Variants in ADD3 observed in about 807,000 individuals in gnomAD.
ADD3 encodes the protein adducin 3, also known as gamma-adducin.
ADD3 carries 25 observed loss-of-function variants against 80.2 expected under a neutral mutation model. The observed-to-expected ratio is 0.31, with a 90% CI of 0.23 to 0.44. ADD3 has a LOEUF of 0.44. Ranked by LOEUF, ADD3 falls within the 20% of genes least tolerant of loss-of-function variation. ADD3 has a pLI of 1.00. For synonymous variants in ADD3, 284 were observed against 289.6 expected (o/e 0.98, Z 0.20); for missense variants, 829 against 847.5 (o/e 0.98, Z 0.27).
chr10:110,072,326 A>G (rs987213923), intron 1 of ADD3, among the ~76,000 whole-genome samples: 7 of 152,120 alleles, frequency 4.6e-5, no homozygotes, highest in Admixed American at 4.6e-4. Flanking sequence ...CGGCCTCCCA[A>G]AGTGCTGGGA....
intron 1 of ADD3, among the ~76,000 whole-genome samples, chr10:110,074,828 T>G (rs1373230097): frequency 6.6e-6 from 1 of 152,004 alleles, no homozygotes; most frequent in Non-Finnish European, 1.5e-5. Context: ...AGCTCATACT[T>G]TAGTTGTTAA....
intron 1 of ADD3, among the ~76,000 whole-genome samples, chr10:110,044,836 T>C (rs1182047434): frequency 6.6e-6 from 1 of 152,224 alleles, no homozygotes; most frequent in African/African-American, 2.4e-5. Flanking sequence ...CTAAAAGTGC[T>C]ATACTCATAG....
intron 2 of ADD3, among the ~76,000 whole-genome samples, chr10:110,110,706 TA>T (rs1450997264): frequency 6.6e-6 from 1 of 151,788 alleles, no homozygotes; most frequent in East Asian, 1.9e-4. Flanking sequence ...TTTTTTTTTT[TA>T]AAGTTCCTGG....
At chr10:110,118,129 C>T (rs764500333) in intron 5 of ADD3, among the ~76,000 whole-genome samples, 1 of 150,564 alleles carries the variant, frequency 6.6e-6, no homozygotes. Flanking sequence ...AGGATCTGAC[C>T]TTAGTATTTT....
intron 1 of ADD3, among the ~76,000 whole-genome samples, chr10:110,063,784 AAG>A (rs1843569954): frequency 1.9e-5 from 1 of 53,282 alleles, no homozygotes; most frequent in Non-Finnish European, 4.5e-5. Context: ...TATATATATA[AAG>A]TGAACACCGT....
chr10:110,056,507 C>T (rs1448421250), intron 1 of ADD3, among the ~76,000 whole-genome samples: 1 of 152,140 alleles, frequency 6.6e-6, no homozygotes, highest in Non-Finnish European at 1.5e-5. Context: ...GTTTTTTCTC[C>T]TTATCACAAA....
intron 1 of ADD3, among the ~76,000 whole-genome samples, chr10:110,032,654 C>A (rs1033489389): frequency 6.6e-6 from 1 of 152,160 alleles, no homozygotes; most frequent in African/African-American, 2.4e-5. Context: ...ATTCAGCTTT[C>A]TCAGCTCTAC....
chr10:110,094,104 C>G (rs1847876110), intron 1 of ADD3, among the ~76,000 whole-genome samples: 1 of 152,070 alleles, frequency 6.6e-6, no homozygotes, highest in South Asian at 2.1e-4. Flanking sequence ...TCTGTGCATG[C>G]TAGGCAAACG....
At chr10:110,027,934 G>A (rs1854503178) in intron 1 of ADD3, among the ~76,000 whole-genome samples, 1 of 152,196 alleles carries the variant, frequency 6.6e-6, no homozygotes, top group Admixed American at 6.5e-5. Context: ...TTAAGTGAGA[G>A]GAGAGCTTGG....
intron 1 of ADD3, among the ~76,000 whole-genome samples, chr10:110,082,360 G>A (rs1458048985): frequency 6.6e-6 from 1 of 152,114 alleles, no homozygotes; most frequent in Non-Finnish European, 1.5e-5. Context: ...ACCTTTTGCA[G>A]GCTTAGCTTA....
chr10:110,133,271 G>C (rs1169119954), intron 14 of ADD3, 55 bp from the exon 15 acceptor site: 13 of 1,504,464 alleles, frequency 8.6e-6, no homozygotes, highest in African/African-American at 2.8e-5. Context: ...TTGTAAAGTA[G>C]AGCAAAAATG....
chr10:110,104,701 A>G (rs1429665611), intron 2 of ADD3, among the ~76,000 whole-genome samples: 2 of 152,252 alleles, frequency 1.3e-5, no homozygotes, highest in Non-Finnish European at 2.9e-5. Flanking sequence ...AAAGCAAAGT[A>G]TAATACTTTT....
At chr10:110,061,055 G>C (rs1046539205) in intron 1 of ADD3, among the ~76,000 whole-genome samples, 2 of 152,174 alleles carry the variant, frequency 1.3e-5, no homozygotes, top group African/African-American at 4.8e-5. Flanking sequence ...TGAGCTTTGT[G>C]CTATGACTAT....
At chr10:110,021,706 AG>A (rs1313878596) in intron 1 of ADD3, among the ~76,000 whole-genome samples, 2 of 152,088 alleles carry the variant, frequency 1.3e-5, no homozygotes, top group African/African-American at 4.8e-5. Flanking sequence ...AGCTGCAGGG[AG>A]GGGGAAATGG....
chr10:109,996,896 T>C (rs182912805), intron 1 of ADD3, among the ~76,000 whole-genome samples: 2 of 152,380 alleles, frequency 1.3e-5, no homozygotes, highest in Admixed American at 1.3e-4. Context: ...GGTTCTGCTA[T>C]CATACATTTA....
At chr10:110,119,415 T>C in intron 7 of ADD3, 51 bp from the exon 8 acceptor site, 2 of 1,613,364 alleles carry the variant, frequency 1.2e-6, no homozygotes, top group African/African-American at 1.3e-5. Flanking sequence ...ATGAAAACAG[T>C]GTGAGCTATG....
intron 5 of ADD3, among the ~76,000 whole-genome samples, chr10:110,117,831 T>G (rs1329877823): frequency 6.6e-6 from 1 of 151,942 alleles, no homozygotes; most frequent in African/African-American, 2.4e-5. Flanking sequence ...CTGACCAACA[T>G]GGTGAAACCC....
chr10:110,066,764 T>C (rs529737752), intron 1 of ADD3, among the ~76,000 whole-genome samples: 6 of 152,334 alleles, frequency 3.9e-5, no homozygotes, highest in African/African-American at 1.4e-4. Flanking sequence ...TGAAATTCTT[T>C]TGTAAATTTT....
intron 1 of ADD3, among the ~76,000 whole-genome samples, chr10:110,058,898 T>C (rs1268002315): frequency 1.3e-5 from 2 of 152,232 alleles, no homozygotes; most frequent in South Asian, 2.1e-4. Context: ...TTATCATTGG[T>C]TGCAAAAGTT....
Sources: allele counts gnomAD v4.1 joint callset (sites outside exome capture counted in the v4.1 genomes callset), GRCh38; gene constraint gnomAD v4.1.1; transcripts MANE v1.5; gene names NCBI Gene and HGNC (gene_info 2026-07-23, HGNC 2026-07-21).